The following CHCHD3 variants were observed in gnomAD, a reference collection of about 807,000 sequenced individuals.
The protein encoded by CHCHD3 is MICOS complex subunit MIC19.
In CHCHD3, 20 loss-of-function variants were observed where a neutral mutation model predicts 38.2. The observed-to-expected ratio is 0.52, with a 90% CI of 0.37 to 0.76. The LOEUF (loss-of-function observed/expected upper bound fraction) is 0.76. Ranked by LOEUF, CHCHD3 falls within the 30% of genes least tolerant of loss-of-function variation. The pLI is 0.00. For synonymous variants in CHCHD3, 82 were observed against 100.0 expected (o/e 0.82, Z 1.07); for missense variants, 245 against 279.2 (o/e 0.88, Z 0.87).
chr7:132,886,538 T>C (rs959522791), intron 4 of CHCHD3, among the ~76,000 whole-genome samples: 3 of 151,798 alleles, frequency 2.0e-5, no homozygotes, highest in Admixed American at 6.6e-5. Context: ...GACTTTCCTA[T>C]ATCACTCTGA....
intron 4 of CHCHD3, among the ~76,000 whole-genome samples, chr7:132,918,934 T>C (rs1810187324): frequency 6.6e-6 from 1 of 152,028 alleles, no homozygotes; most frequent in Non-Finnish European, 1.5e-5. Context: ...AGTCTACCAG[T>C]GATGAGCATC....
chr7:133,037,407 C>T (rs75571094), intron 2 of CHCHD3, among the ~76,000 whole-genome samples: 7,755 of 152,186 alleles, frequency 0.051, 604 homozygotes, highest in African/African-American at 0.17. Context: ...TTAAACCCCA[C>T]GAAAAATTTC....
chr7:133,024,613 A>G lies in CHCHD3; in HGVS notation c.184T>C (p.Leu62=), dbSNP rs1368504503. Residue 62 remains leucine (L), a synonymous_variant, in exon 3 of 8, where the codon TTG becomes CTG. Coordinates refer to ENST00000262570, the MANE Select transcript of CHCHD3 (RefSeq NM_017812.4). ...AYGASVSDEE[L]KRRVAEELAL... is the part of the protein sequence containing the mutation. Reference sequence around the variant, plus strand: ...AGCTCCTCAGCTACTCTTCTTTTCAATTCTTCATCAGAAACTAGAATCGAT... The same window carrying G: ...AGCTCCTCAGCTACTCTTCTTTTCAGTTCTTCATCAGAAACTAGAATCGAT... 17 of 1,612,328 alleles carry G rather than the reference A, an allele frequency of 1.1e-5. No individual in the cohort carries two copies. Among genetic ancestry groups the G allele is most frequent in the Non-Finnish European group, 1.4e-5 (17 of 1,178,420 alleles).
chr7:132,966,425 T>C (rs1172591560), intron 4 of CHCHD3, among the ~76,000 whole-genome samples: 1 of 152,080 alleles, frequency 6.6e-6, no homozygotes, highest in Non-Finnish European at 1.5e-5. Context: ...CATAACTCAG[T>C]GCCATTTAGG....
chr7:132,956,613 T>C (rs1811175997), intron 4 of CHCHD3, among the ~76,000 whole-genome samples: 1 of 152,226 alleles, frequency 6.6e-6, no homozygotes, highest in African/African-American at 2.4e-5. Context: ...TGATCATCAT[T>C]CTCTGTATTC....
At position 132,998,359 on chromosome 7, in the gene CHCHD3, G is replaced by A. The variant is rs1812480387; in HGVS notation, c.252-23073C>T. Among the ~76,000 whole-genome samples the A allele has an allele frequency of 3.9e-5, 6 of 152,178 alleles. No individual in the cohort carries two copies. The South Asian group carries it at 1.2e-3, about 32-fold the overall frequency. ...TTGATGCAGAAGAAAAATGTGGTTT[G>A]GAATGACTGCACTTATCAAGGGACC... On this transcript the variant is annotated intron_variant, in intron 3 of 7. Coordinates refer to ENST00000262570, the MANE Select transcript of CHCHD3 (RefSeq NM_017812.4).
At chr7:132,881,207 A>T (rs1295585886) in intron 5 of CHCHD3, among the ~76,000 whole-genome samples, 1 of 152,190 alleles carries the variant, frequency 6.6e-6, no homozygotes, top group Non-Finnish European at 1.5e-5. Context: ...CTAACAAGTT[A>T]GTGAAAGAAG....
At chr7:132,865,686 G>C (rs1808603113) in intron 5 of CHCHD3, among the ~76,000 whole-genome samples, 2 of 152,068 alleles carry the variant, frequency 1.3e-5, no homozygotes, top group Non-Finnish European at 2.9e-5. Flanking sequence ...TAAAGGAAGG[G>C]GAACCAGGGA....
Position 133,061,086 on chromosome 7 carries a change from T to A in CHCHD3, c.169+9056A>T, listed in dbSNP as rs1287641032. On this transcript the variant is annotated intron_variant, in intron 2 of 7. Coordinates refer to ENST00000262570, the MANE Select transcript of CHCHD3 (RefSeq NM_017812.4). ...AGAGAAGACTCGAGCAGGAGATGGA[T>A]TGTACAGGACCTTGCTGGCTATGTA... is the stretch of plus-strand genomic sequence containing the variant. 2.0e-5 allele frequency among the ~76,000 whole-genome samples: 3 copies of A among 151,986 alleles called. No individual in the cohort carries two copies. The East Asian group carries it at 5.8e-4, about 29-fold the overall frequency.
intron 6 of CHCHD3, among the ~76,000 whole-genome samples, chr7:132,827,363 T>C (rs7790879): frequency 0.4 from 60,645 of 152,002 alleles, 12,366 homozygotes; most frequent in Middle Eastern, 0.52. Context: ...AATCCATTTA[T>C]GTTTCATATA....
intron 4 of CHCHD3, among the ~76,000 whole-genome samples, chr7:132,963,931 A>T (rs192717109): frequency 3.3e-5 from 5 of 152,364 alleles, no homozygotes; most frequent in Admixed American, 2.6e-4. Context: ...CAATTATACA[A>T]CTACATCCCC....
chr7:132,910,796 C>T (rs577097754), intron 4 of CHCHD3, among the ~76,000 whole-genome samples: 7 of 152,200 alleles, frequency 4.6e-5, no homozygotes, highest in Non-Finnish European at 8.8e-5. Flanking sequence ...GCAGACGTTG[C>T]TCAGCCAGCA....
At chr7:133,036,944 C>A (rs567202904) in intron 2 of CHCHD3, among the ~76,000 whole-genome samples, 59 of 152,218 alleles carry the variant, frequency 3.9e-4, no homozygotes, top group South Asian at 2.1e-3. Flanking sequence ...GATTATGTAA[C>A]AAGAAGAATT....
At chr7:133,045,057 T>C (rs1813945665) in intron 2 of CHCHD3, among the ~76,000 whole-genome samples, 1 of 151,972 alleles carries the variant, frequency 6.6e-6, no homozygotes, top group Non-Finnish European at 1.5e-5. Flanking sequence ...GTCAACAGCA[T>C]CCGAGTTACT....
chr7:133,031,104 C>T (rs757656696), intron 2 of CHCHD3, among the ~76,000 whole-genome samples: 1 of 152,028 alleles, frequency 6.6e-6, no homozygotes, highest in African/African-American at 2.4e-5. Flanking sequence ...TAAGAAAGTC[C>T]AAGATTCCTA....
chr7:132,850,981 C>T (rs1400501366), intron 5 of CHCHD3, among the ~76,000 whole-genome samples: 1 of 152,134 alleles, frequency 6.6e-6, no homozygotes, highest in East Asian at 1.9e-4. Flanking sequence ...TCAGACAATT[C>T]AAGCTTCATT....
At chr7:132,804,686 A>G (rs1366915820) in intron 6 of CHCHD3, among the ~76,000 whole-genome samples, 2 of 152,230 alleles carry the variant, frequency 1.3e-5, no homozygotes, top group Non-Finnish European at 2.9e-5. Flanking sequence ...GTGGTGAGAG[A>G]GCGTGTTACA....
At chr7:132,819,249 T>G (rs1411300719) in intron 6 of CHCHD3, among the ~76,000 whole-genome samples, 2 of 152,196 alleles carry the variant, frequency 1.3e-5, no homozygotes, top group African/African-American at 4.8e-5. Context: ...TAATTCTTAG[T>G]TTTTAGACAA....
At chr7:132,804,382 A>T (rs1806861894) in intron 6 of CHCHD3, among the ~76,000 whole-genome samples, 1 of 152,122 alleles carries the variant, frequency 6.6e-6, no homozygotes. Flanking sequence ...TTTTTAGGTG[A>T]TTATAATTTT....
Sources: gnomAD v4.1 joint callset for allele counts (sites outside exome capture counted in the v4.1 genomes callset) on GRCh38, gnomAD v4.1.1 for gene constraint, MANE v1.5 for transcripts, NCBI Gene and HGNC (gene_info 2026-07-23, HGNC 2026-07-21) for gene names.